ZDHHC15: variants seen among roughly 807,000 people sequenced by gnomAD.
The protein encoded by ZDHHC15 is palmitoyltransferase ZDHHC15.
Under a neutral mutation model 31.7 loss-of-function variants are expected in ZDHHC15, and 19 were observed. The observed-to-expected ratio is 0.60, with a 90% confidence interval of 0.42 to 0.88. The LOEUF (loss-of-function observed/expected upper bound fraction) is 0.88, where lower values mean the gene tolerates loss of function less well. ZDHHC15 is among the 40% of genes least tolerant of loss of function. ZDHHC15 has a pLI of 0.00. For missense variants in ZDHHC15, 209 were observed against 251.2 expected, an observed-to-expected ratio of 0.83 and a Z score of 1.14; for synonymous variants, 103 against 90.0, an observed-to-expected ratio of 1.14 and a Z score of -0.82.
intron 4 of ZDHHC15, among the ~76,000 whole-genome samples, chrX:75,442,715 G>A (rs534186365): frequency 3.6e-5 from 4 of 111,572 alleles, no homozygotes; most frequent in South Asian, 3.8e-4. Flanking sequence ...GGCCGGGCGC[G>A]GTGGCTCACG....
At chrX:75,421,782 C>A in intron 9 of ZDHHC15, 82 bp downstream of exon 9, 1 of 1,063,732 alleles carries the variant, frequency 9.4e-7, no homozygotes, top group Non-Finnish European at 1.3e-6. Context: ...CTGATACCTG[C>A]TGCATACTAC....
chrX:75,479,312 T>A (rs1481885533), intron 2 of ZDHHC15, among the ~76,000 whole-genome samples: 1 of 112,042 alleles, frequency 8.9e-6, no homozygotes, highest in East Asian at 2.8e-4. Flanking sequence ...AAGGTGATAA[T>A]GACACAATTT....
intron 9 of ZDHHC15, 150 bp from the exon 10 acceptor site, chrX:75,417,340 T>A: frequency 2.6e-6 from 1 of 378,984 alleles, no homozygotes; most frequent in South Asian, 4.6e-5. Context: ...AATAGCATTA[T>A]TTAGTTGCTA....
At chrX:75,414,388 A>G (rs965091297) in intron 10 of ZDHHC15, among the ~76,000 whole-genome samples, 6 of 102,363 alleles carry the variant, frequency 5.9e-5, no homozygotes, top group African/African-American at 1.8e-4. Flanking sequence ...CTGTGATATT[A>G]TATTTGTACC....
rs761686509 is a variant in ZDHHC15, at chrX:75,378,247, T to C, written c.*32+873A>G. Among the ~76,000 whole-genome samples, 31 of 112,356 alleles carry C rather than the reference T, an allele frequency of 2.8e-4. No homozygotes were observed. The East Asian group carries it at 7.6e-3, about 27-fold the overall frequency. ...GGATAAGTGATTTAACCTCTCTGCA[T>C]ATCAGTTTTCTCATAAGTAAAATGG... On this transcript the variant is annotated intron_variant, in intron 11 of 11. Transcript: ENST00000373367.
At chrX:75,458,745 C>T (rs1383851862) in intron 3 of ZDHHC15, among the ~76,000 whole-genome samples, 1 of 109,452 alleles carries the variant, frequency 9.1e-6, no homozygotes, top group Non-Finnish European at 1.9e-5. Context: ...CTCCAATGAA[C>T]TGAACAAATT....
chrX:75,450,739 A>ACTTGC, intron 4 of ZDHHC15, 63 bp downstream of exon 4: 1 of 1,209,418 alleles, frequency 8.3e-7, no homozygotes, highest in Non-Finnish European at 1.1e-6. Context: ...GAGAACATAT[A>ACTTGC]TGACTTAGCC....
chrX:75,473,720 C>G (rs2084541996), intron 3 of ZDHHC15, among the ~76,000 whole-genome samples: 2 of 111,498 alleles, frequency 1.8e-5, no homozygotes, highest in South Asian at 7.6e-4. Flanking sequence ...ACCATGTGAC[C>G]AGTTGCAGAA....
intron 7 of ZDHHC15, among the ~76,000 whole-genome samples, chrX:75,426,656 T>C (rs1164553827): frequency 9.0e-6 from 1 of 111,499 alleles, no homozygotes; most frequent in Admixed American, 9.6e-5. Flanking sequence ...ATTTTTTACA[T>C]AAGGAAAAGC....
At chrX:75,470,390 TC>T (rs2084485586) in intron 3 of ZDHHC15, among the ~76,000 whole-genome samples, 2 of 110,992 alleles carry the variant, frequency 1.8e-5, no homozygotes, top group Non-Finnish European at 1.9e-5. Context: ...CTTAACAAAC[TC>T]CTGGAGTTTC....
intron 10 of ZDHHC15, among the ~76,000 whole-genome samples, chrX:75,381,918 T>C (rs1215880432): frequency 8.9e-6 from 1 of 111,732 alleles, no homozygotes; most frequent in Non-Finnish European, 1.9e-5. Flanking sequence ...ATGTTTCTCA[T>C]TCCAATAACA....
chrX:75,395,391 A>G (rs371393850), intron 10 of ZDHHC15, among the ~76,000 whole-genome samples: 1 of 112,172 alleles, frequency 8.9e-6, no homozygotes, highest in African/African-American at 3.2e-5. Flanking sequence ...AAAAATTAGT[A>G]GCATTTCTGT....
chrX:75,477,220 A>G (rs1429339085), intron 3 of ZDHHC15, among the ~76,000 whole-genome samples: 1 of 90,478 alleles, frequency 1.1e-5, no homozygotes. Flanking sequence ...TTCCATCACA[A>G]TCAGAGAAGA....
intron 1 of ZDHHC15, among the ~76,000 whole-genome samples, chrX:75,514,686 C>T (rs1366924767): frequency 7.2e-5 from 8 of 111,413 alleles, no homozygotes. Flanking sequence ...ACACTCCCGC[C>T]CTAATACTGT....
chrX:75,422,122 A>T, intron 8 of ZDHHC15, 132 bp from the exon 9 acceptor site: 2 of 802,400 alleles, frequency 2.5e-6, no homozygotes, highest in Non-Finnish European at 3.4e-6. Context: ...GTGGTAGCAC[A>T]GACCTCTCAT....
chrX:75,406,016 G>T (rs2083407306), intron 10 of ZDHHC15, among the ~76,000 whole-genome samples: 1 of 111,686 alleles, frequency 9.0e-6, no homozygotes, highest in African/African-American at 3.3e-5. Context: ...TATTTTTTCT[G>T]ACCACAATGG....
intron 9 of ZDHHC15, among the ~76,000 whole-genome samples, chrX:75,418,369 C>T (rs1199959631): frequency 8.9e-6 from 1 of 111,746 alleles, no homozygotes; most frequent in Non-Finnish European, 1.9e-5. Context: ...GTATTCCTGT[C>T]TAAGGAGGGG....
chrX:75,393,642 C>A (rs1424095590), intron 10 of ZDHHC15, among the ~76,000 whole-genome samples: 1 of 111,545 alleles, frequency 9.0e-6, no homozygotes, highest in Non-Finnish European at 1.9e-5. Flanking sequence ...TCATATTAAG[C>A]AGCCAATTCC....
chrX:75,402,855 A>C (rs762737647), intron 10 of ZDHHC15, among the ~76,000 whole-genome samples: 5 of 110,694 alleles, frequency 4.5e-5, no homozygotes, highest in Admixed American at 3.8e-4. Context: ...AATGAGGAGG[A>C]AGGACTCCTC....
Sources: gnomAD v4.1 joint callset for allele counts (sites outside exome capture counted in the v4.1 genomes callset) on GRCh38, gnomAD v4.1.1 for gene constraint, MANE v1.5 for transcripts, NCBI Gene and HGNC (gene_info 2026-07-23, HGNC 2026-07-21) for gene names.